The following CCNC variants were observed in gnomAD, a reference collection of about 807,000 sequenced individuals.
CCNC encodes cyclin-C.
CCNC carries 19 observed loss-of-function variants against 50.0 expected under a neutral mutation model. The ratio of observed to expected loss-of-function variants is 0.38; its 90% CI spans 0.27 to 0.56. The LOEUF is 0.56. Among genes scored for constraint, CCNC ranks in the 20% least tolerant of loss-of-function variants. The pLI is 0.72. For synonymous variants in CCNC, 93 were observed against 103.7 expected (o/e 0.90, Z 0.63); for missense variants, 200 against 327.1 (o/e 0.61, Z 3.00).
intron 11 of CCNC, chr6:99,544,408 A>G: frequency 2.7e-6 from 2 of 737,994 alleles, no homozygotes; most frequent in East Asian, 2.9e-5. Context: ...TTATATAACA[A>G]TCATTTTTCT....
chr6:99,558,380 A>G, intron 5 of CCNC, 117 bp downstream of exon 5: 1 of 1,476,810 alleles, frequency 6.8e-7, no homozygotes. Context: ...ATCCTCAGGA[A>G]ATTTAATAAA....
intron 8 of CCNC, among the ~76,000 whole-genome samples, chr6:99,549,840 C>T (rs1421584019): frequency 6.6e-6 from 1 of 151,978 alleles, no homozygotes; most frequent in Non-Finnish European, 1.5e-5. Context: ...ACACATTTTT[C>T]TAATTTTTTA....
intron 6 of CCNC, 68 bp downstream of exon 6, chr6:99,551,772 T>C: frequency 1.0e-6 from 1 of 963,886 alleles, no homozygotes; most frequent in Non-Finnish European, 1.4e-6. Context: ...TTAAATTTAG[T>C]CTAATATAAA....
intron 5 of CCNC, among the ~76,000 whole-genome samples, chr6:99,555,352 G>T (rs1295263764): frequency 4.6e-5 from 7 of 151,938 alleles, no homozygotes; most frequent in Admixed American, 4.6e-4. Context: ...CCCCCACATT[G>T]TTAATGACAC....
At chr6:99,550,433 C>T (rs997474274) in intron 7 of CCNC, 124 bp from the exon 8 acceptor site, 4 of 669,736 alleles carry the variant, frequency 6.0e-6, no homozygotes, top group Middle Eastern at 2.9e-4. Flanking sequence ...CTCATGCTTG[C>T]TTCCCTTTTA....
intron 5 of CCNC, chr6:99,557,324 GCA>G (rs1583581742): frequency 6.6e-6 from 1 of 152,000 alleles, no homozygotes. Context: ...CACTGCATTG[GCA>G]CAGTGTTTTC....
chr6:99,563,404 T>C (rs1768939447), intron 1 of CCNC, among the ~76,000 whole-genome samples: 1 of 152,200 alleles, frequency 6.6e-6, no homozygotes, highest in Non-Finnish European at 1.5e-5. Flanking sequence ...ACAAATCTAA[T>C]TATATTAAAA....
intron 5 of CCNC, among the ~76,000 whole-genome samples, chr6:99,555,463 A>C (rs145403591): frequency 2.1e-3 from 322 of 151,636 alleles, no homozygotes; most frequent in African/African-American, 7.2e-3. Context: ...TTAGGGACAG[A>C]GTCTTACTCC....
chr6:99,543,840 A>T, intron 11 of CCNC: 1 of 1,363,778 alleles, frequency 7.3e-7, no homozygotes, highest in Non-Finnish European at 9.4e-7. Flanking sequence ...AGCATTCTGG[A>T]AGTTAGTGTC....
Position 99,551,679 on chromosome 6 carries a change from T to A in CCNC, c.402+161A>T, listed in dbSNP as rs529074426. Among the ~76,000 whole-genome samples, 644 of 152,278 alleles carry A rather than the reference T, an allele frequency of 4.2e-3. 7 individuals are homozygous for A. Among genetic ancestry groups the A allele is most frequent in the African/African-American group, 0.015 (614 of 41,576 alleles). On this transcript the variant is annotated intron_variant, in intron 6 of 11. Transcript: ENST00000520429. ...AATCGCCACTATGAAGTATTTTTTT[T>A]AAATGGTAAAAGCTATTTAGCTTTA...
chr6:99,568,775 A>AGGGGAGGTGCTGACCC (rs1238538651), upstream of CCNC: 5 of 1,283,682 alleles, frequency 3.9e-6, no homozygotes, highest in South Asian at 6.6e-5. Context: ...AGGGAGCCGG[A>AGGGGAGGTGCTGACCC]GGGGAGGTGC....
At chr6:99,558,471 A>C in intron 5 of CCNC, 26 bp downstream of exon 5, 1 of 1,611,204 alleles carries the variant, frequency 6.2e-7, no homozygotes, top group Non-Finnish European at 8.5e-7. Context: ...TTACATCCTT[A>C]AAGCAGATAT....
intron 5 of CCNC, among the ~76,000 whole-genome samples, chr6:99,552,216 G>C (rs969541104): frequency 6.6e-6 from 1 of 152,050 alleles, no homozygotes; most frequent in African/African-American, 2.4e-5. Context: ...GTATTCTTCT[G>C]TTTTCCAGTG....
chr6:99,551,722 T>C (rs972987305), intron 6 of CCNC, 118 bp downstream of exon 6: 5 of 565,832 alleles, frequency 8.8e-6, no homozygotes, highest in Non-Finnish European at 1.4e-5. Context: ...ATAATGTCTG[T>C]ATTTATGTAA....
chr6:99,544,630 T>C (rs73498833), intron 11 of CCNC, among the ~76,000 whole-genome samples: 201 of 152,000 alleles, frequency 1.3e-3, no homozygotes, highest in African/African-American at 4.8e-3. Flanking sequence ...TTATGTGCCA[T>C]GGACCTTAGG....
intron 4 of CCNC, among the ~76,000 whole-genome samples, chr6:99,559,666 T>A (rs540473174): frequency 2.7e-5 from 4 of 148,412 alleles, no homozygotes; most frequent in South Asian, 2.2e-4. Flanking sequence ...AAAAAAATAA[T>A]AATAATGCTA....
intron 9 of CCNC, among the ~76,000 whole-genome samples, chr6:99,548,713 G>A (rs1027908854): frequency 6.7e-6 from 1 of 149,958 alleles, no homozygotes; most frequent in Non-Finnish European, 1.5e-5. Flanking sequence ...GTAGGCAGGA[G>A]AATCGCTTGA....
At chr6:99,556,984 G>A (rs374248834) in intron 5 of CCNC, among the ~76,000 whole-genome samples, 39 of 152,150 alleles carry the variant, frequency 2.6e-4, no homozygotes, top group African/African-American at 9.4e-4. Flanking sequence ...AGCATCGAAG[G>A]CCCTCTATTA....
intron 5 of CCNC, among the ~76,000 whole-genome samples, chr6:99,555,352 G>A (rs1295263764): frequency 6.6e-6 from 1 of 151,938 alleles, no homozygotes; most frequent in Admixed American, 6.6e-5. Flanking sequence ...CCCCCACATT[G>A]TTAATGACAC....
Sources: allele counts gnomAD v4.1 joint callset (sites outside exome capture counted in the v4.1 genomes callset), GRCh38; gene constraint gnomAD v4.1.1; transcripts MANE v1.5; gene names NCBI Gene and HGNC (gene_info 2026-07-23, HGNC 2026-07-21).